The following KHDRBS2 variants were observed in gnomAD, a reference collection of about 807,000 sequenced individuals.
KHDRBS2 encodes KH domain-containing, RNA-binding, signal transduction-associated protein 2.
A neutral mutation model predicts 44.3 loss-of-function variants in KHDRBS2; 26 were observed. That is an observed-to-expected ratio of 0.59 (90% CI 0.43 to 0.81). The LOEUF is 0.81. Among genes scored for constraint, KHDRBS2 ranks in the 40% least tolerant of loss-of-function variants. KHDRBS2 has a pLI of 0.00. For missense variants in KHDRBS2, 476 were observed against 433.1 expected (o/e 1.10, Z -0.88); for synonymous variants, 194 against 151.1 (o/e 1.28, Z -2.08).
chr6:61,961,791 G>A (rs948496615), intron 4 of KHDRBS2, among the ~76,000 whole-genome samples: 2 of 152,086 alleles, frequency 1.3e-5, no homozygotes, highest in Non-Finnish European at 2.9e-5. Flanking sequence ...AAATCATACA[G>A]GGCCTTGAAG....
At chr6:62,131,077 ATTT>A (rs1283526157) in intron 2 of KHDRBS2, among the ~76,000 whole-genome samples, 1 of 152,132 alleles carries the variant, frequency 6.6e-6, no homozygotes, top group Non-Finnish European at 1.5e-5. Context: ...TAAAATACAG[ATTT>A]TTAAAACTTG....
chr6:61,691,345 A>G (rs1767372792), intron 8 of KHDRBS2, among the ~76,000 whole-genome samples: 1 of 152,124 alleles, frequency 6.6e-6, no homozygotes, highest in Non-Finnish European at 1.5e-5. Flanking sequence ...TGGATTAGAT[A>G]TCAATCTAAT....
chr6:61,800,164 A>G (rs1296412809), intron 6 of KHDRBS2, among the ~76,000 whole-genome samples: 1 of 152,138 alleles, frequency 6.6e-6, no homozygotes. Flanking sequence ...GCTAAGAATC[A>G]TAGTTCTTGA....
At chr6:61,795,465 T>C (rs1785197745) in intron 6 of KHDRBS2, among the ~76,000 whole-genome samples, 1 of 150,682 alleles carries the variant, frequency 6.6e-6, no homozygotes, top group Non-Finnish European at 1.5e-5. Context: ...CATACACAAG[T>C]GCTTGCACAT....
intron 6 of KHDRBS2, among the ~76,000 whole-genome samples, chr6:61,772,658 A>G (rs1007711088): frequency 1.3e-5 from 2 of 152,058 alleles, no homozygotes; most frequent in Non-Finnish European, 2.9e-5. Flanking sequence ...ATTTTATTAT[A>G]CTTTAAGTTT....
chr6:61,745,144 A>G (rs908390832), intron 6 of KHDRBS2, among the ~76,000 whole-genome samples: 9 of 152,174 alleles, frequency 5.9e-5, no homozygotes, highest in African/African-American at 1.9e-4. Context: ...ATTAAAAAAT[A>G]ATACAACTTG....
intron 3 of KHDRBS2, among the ~76,000 whole-genome samples, chr6:61,990,920 G>C (rs1224059907): frequency 6.6e-6 from 1 of 152,070 alleles, no homozygotes; most frequent in Non-Finnish European, 1.5e-5. Flanking sequence ...ATGTTGGCCA[G>C]GATGGTCTCA....
intron 6 of KHDRBS2, among the ~76,000 whole-genome samples, chr6:61,798,826 T>G (rs1743446): frequency 0.64 from 97,300 of 151,574 alleles, 31,934 homozygotes; most frequent in African/African-American, 0.79. Flanking sequence ...CATACCTTTA[T>G]TATATATAAG....
intron 3 of KHDRBS2, among the ~76,000 whole-genome samples, chr6:62,023,763 T>C (rs1782766713): frequency 6.6e-6 from 1 of 151,420 alleles, no homozygotes; most frequent in Admixed American, 6.6e-5. Context: ...TGAAAGAATT[T>C]AGAGTAAGAC....
intron 2 of KHDRBS2, among the ~76,000 whole-genome samples, chr6:62,080,523 C>A (rs540770550): frequency 3.9e-5 from 6 of 152,186 alleles, no homozygotes; most frequent in Non-Finnish European, 5.9e-5. Context: ...ATATAGAATC[C>A]ATTCTATTCT....
At chr6:61,565,294 A>G in the KHDRBS2 span, among the ~76,000 whole-genome samples, 5 of 152,194 alleles carry the variant, frequency 3.3e-5, no homozygotes, top group Non-Finnish European at 7.4e-5. Flanking sequence ...AGCACAGGCA[A>G]TCAAAGCAAA....
the KHDRBS2 span, among the ~76,000 whole-genome samples, chr6:61,571,079 C>T: frequency 2.0e-5 from 3 of 151,690 alleles, no homozygotes; most frequent in African/African-American, 7.3e-5. Flanking sequence ...TCAATACAAA[C>T]ATTGAATATA....
the KHDRBS2 span, among the ~76,000 whole-genome samples, chr6:61,633,479 G>A: frequency 6.6e-6 from 1 of 151,930 alleles, no homozygotes; most frequent in Non-Finnish European, 1.5e-5. Flanking sequence ...TAAATATACT[G>A]GAAAAAGAAA....
chr6:62,076,142 T>C (rs1354253382), intron 2 of KHDRBS2, among the ~76,000 whole-genome samples: 1 of 151,900 alleles, frequency 6.6e-6, no homozygotes, highest in Admixed American at 6.6e-5. Context: ...AGCCCTAGCA[T>C]AGCGCAAACT....
In KHDRBS2 at chr6:62,007,481, G is replaced by T. The variant is rs561254620; in HGVS notation, c.337-29269C>A. Among the ~76,000 whole-genome samples, 8 of 151,864 alleles carry T rather than the reference G, an allele frequency of 5.3e-5. No individual in the cohort carries two copies. The South Asian group carries it at 1.5e-3, about 28-fold the overall frequency. ...TGAATTTACTTCTCTGCCTAATCGGGTGTATGAAAACTGATGACACAGACC... is the reference window on the plus strand; with the variant it reads ...TGAATTTACTTCTCTGCCTAATCGGTTGTATGAAAACTGATGACACAGACC... On this transcript the variant is annotated intron_variant, in intron 3 of 8. Transcript: ENST00000281156.
chr6:61,865,353 C>A (rs1283769202), intron 6 of KHDRBS2, among the ~76,000 whole-genome samples: 8 of 152,098 alleles, frequency 5.3e-5, no homozygotes, highest in Admixed American at 5.2e-4. Context: ...TTCCATGTGG[C>A]TGGGGAGGCC....
intron 6 of KHDRBS2, among the ~76,000 whole-genome samples, chr6:61,839,234 G>T (rs1171316479): frequency 2.6e-5 from 4 of 151,970 alleles, no homozygotes; most frequent in African/African-American, 9.7e-5. Context: ...TTCTTACATA[G>T]AAAGTTGATT....
chr6:62,155,949 T>C (rs1180437954), intron 2 of KHDRBS2, among the ~76,000 whole-genome samples: 2 of 152,192 alleles, frequency 1.3e-5, no homozygotes, highest in Admixed American at 1.3e-4. Context: ...GAGTGCATAA[T>C]GGGCTCATTC....
Position 62,172,393 on chromosome 6 carries a change from G to A in KHDRBS2, c.219+4792C>T, listed in dbSNP as rs577593901. On this transcript the variant is annotated intron_variant, in intron 2 of 8. Transcript: ENST00000281156. Reference sequence around the variant, plus strand: ...CAACAAGAAGACTTAATTATCCTAAGCATATATGCATGCAACATAGGAGTA... The same window carrying A: ...CAACAAGAAGACTTAATTATCCTAAACATATATGCATGCAACATAGGAGTA... Among the ~76,000 whole-genome samples the A allele has an allele frequency of 2.0e-4, 31 of 152,064 alleles. No homozygotes were observed. The South Asian group carries it at 3.7e-3, about 18-fold the overall frequency.
Sources: gnomAD v4.1 joint callset for allele counts (sites outside exome capture counted in the v4.1 genomes callset) on GRCh38, gnomAD v4.1.1 for gene constraint, MANE v1.5 for transcripts, NCBI Gene and HGNC (gene_info 2026-07-23, HGNC 2026-07-21) for gene names.